BMP5: variants seen among roughly 807,000 people sequenced by gnomAD.
The protein encoded by BMP5 is bone morphogenetic protein 5.
A neutral mutation model predicts 46.6 loss-of-function variants in BMP5; 23 were observed. The observed-to-expected ratio is 0.49, with a 90% CI of 0.35 to 0.70. The LOEUF (loss-of-function observed/expected upper bound fraction) is 0.70. Among genes scored for constraint, BMP5 ranks in the 30% least tolerant of loss-of-function variants. The pLI is 0.00. For missense variants in BMP5, 545 were observed against 565.6 expected (o/e 0.96, Z 0.37); for synonymous variants, 204 against 191.9 (o/e 1.06, Z -0.52).
At chr6:55,859,538 C>T (rs918834488) in intron 1 of BMP5, among the ~76,000 whole-genome samples, 1 of 151,952 alleles carries the variant, frequency 6.6e-6, no homozygotes, top group South Asian at 2.1e-4. Flanking sequence ...ACTTAAAAAT[C>T]AAGAATTAAG....
intron 3 of BMP5, among the ~76,000 whole-genome samples, chr6:55,789,878 GA>G (rs999453270): frequency 1.3e-5 from 2 of 152,132 alleles, no homozygotes; most frequent in Admixed American, 6.5e-5. Flanking sequence ...TATTCAGCAT[GA>G]AAAAATAATA....
At chr6:55,839,746 T>C (rs1052551235) in intron 1 of BMP5, among the ~76,000 whole-genome samples, 16 of 152,218 alleles carry the variant, frequency 1.1e-4, no homozygotes, top group Admixed American at 1.0e-3. Context: ...ATTTTGCTAT[T>C]GTAGACAGTG....
intron 1 of BMP5, among the ~76,000 whole-genome samples, chr6:55,853,979 ATTGTT>A (rs1287068960): frequency 4.6e-5 from 7 of 152,182 alleles, no homozygotes; most frequent in African/African-American, 1.7e-4. Flanking sequence ...CAAATATAAT[ATTGTT>A]TTATTTTATT....
intron 1 of BMP5, among the ~76,000 whole-genome samples, chr6:55,860,992 C>T (rs1014048212): frequency 6.6e-6 from 1 of 152,172 alleles, no homozygotes; most frequent in Admixed American, 6.5e-5. Context: ...TGGAAAGAAA[C>T]TCACTTTACA....
rs761114982 is a variant in BMP5, at chr6:55,874,885, T to C, written c.-20A>G. The C allele has an allele frequency of 6.2e-7, 1 of 1,611,848 alleles. No homozygotes were observed. The highest frequency in any genetic ancestry group is 1.3e-5 in the African/African-American group (1 of 74,662). On this transcript the variant is annotated 5_prime_UTR_variant, in exon 1 of 7. Coordinates refer to ENST00000370830, the MANE Select transcript of BMP5 (RefSeq NM_021073.4). ...ATGCATTTTTGTCCAAAAGCAAAAG[T>C]TGATATTTTTAGTCCTTCTTGTCCT... is the stretch of plus-strand genomic sequence containing the variant.
intron 1 of BMP5, among the ~76,000 whole-genome samples, chr6:55,824,336 C>A (rs1333533475): frequency 6.6e-6 from 1 of 151,758 alleles, no homozygotes; most frequent in African/African-American, 2.4e-5. Flanking sequence ...ATGTATTTGG[C>A]CCTTTTAATT....
intron 1 of BMP5, among the ~76,000 whole-genome samples, chr6:55,828,537 CTAAGTA>C (rs1161563800): frequency 3.3e-5 from 5 of 151,646 alleles, no homozygotes; most frequent in African/African-American, 7.3e-5. Flanking sequence ...GCCACTCACC[CTAAGTA>C]TATCAATAGT....
intron 2 of BMP5, among the ~76,000 whole-genome samples, chr6:55,818,947 C>T (rs569210064): frequency 1.4e-5 from 2 of 146,774 alleles, no homozygotes; most frequent in African/African-American, 5.3e-5. Flanking sequence ...GATAGATAGA[C>T]AGACAGACAG....
chr6:55,864,666 T>C (rs1777599862), intron 1 of BMP5, among the ~76,000 whole-genome samples: 1 of 152,148 alleles, frequency 6.6e-6, no homozygotes, highest in African/African-American at 2.4e-5. Context: ...TCTTCCAGCA[T>C]TTTATCAAAT....
intron 6 of BMP5, 68 bp from the exon 7 acceptor site, chr6:55,755,750 GTA>G: frequency 6.9e-7 from 1 of 1,453,066 alleles, no homozygotes; most frequent in Non-Finnish European, 9.6e-7. Context: ...TTTTAAAATG[GTA>G]TGATTATTTT....
At chr6:55,858,648 G>A (rs1481709526) in intron 1 of BMP5, among the ~76,000 whole-genome samples, 3 of 152,150 alleles carry the variant, frequency 2.0e-5, no homozygotes, top group Non-Finnish European at 4.4e-5. Flanking sequence ...CAAATTTACT[G>A]AAAAGCAATT....
chr6:55,781,202 T>C (rs1775307864), intron 3 of BMP5, among the ~76,000 whole-genome samples: 1 of 152,270 alleles, frequency 6.6e-6, no homozygotes, highest in Middle Eastern at 3.4e-3. Flanking sequence ...CCCTCATTTA[T>C]TTTAAGAAAG....
chr6:55,810,577 A>G (rs189593588), intron 2 of BMP5, among the ~76,000 whole-genome samples: 23 of 152,334 alleles, frequency 1.5e-4, no homozygotes, highest in Admixed American at 1.2e-3. Context: ...ACCATTTTTC[A>G]TGCAGTGAAT....
intron 1 of BMP5, among the ~76,000 whole-genome samples, chr6:55,848,568 C>T (rs56191021): frequency 0.43 from 65,107 of 151,666 alleles, 15,080 homozygotes; most frequent in African/African-American, 0.59. Flanking sequence ...GTTGAAAACA[C>T]TGCCTAGCAA....
At chr6:55,804,555 G>T (rs554827822) in intron 2 of BMP5, among the ~76,000 whole-genome samples, 13 of 152,080 alleles carry the variant, frequency 8.5e-5, no homozygotes, top group Non-Finnish European at 1.6e-4. Context: ...CCCCTGATTA[G>T]GATATTTCAC....
intron 1 of BMP5, among the ~76,000 whole-genome samples, chr6:55,823,103 A>G (rs1227234199): frequency 6.6e-6 from 1 of 152,064 alleles, no homozygotes; most frequent in Admixed American, 6.6e-5. Context: ...TAAGAATAAG[A>G]AATTGGGTGA....
intron 2 of BMP5, among the ~76,000 whole-genome samples, chr6:55,803,775 C>T (rs1168590043): frequency 1.3e-5 from 2 of 152,172 alleles, no homozygotes; most frequent in African/African-American, 4.8e-5. Flanking sequence ...TACCAATCTC[C>T]CCTGCAGGCC....
chr6:55,842,444 C>T (rs1261085596), intron 1 of BMP5, among the ~76,000 whole-genome samples: 3 of 152,134 alleles, frequency 2.0e-5, no homozygotes, highest in Admixed American at 2.0e-4. Flanking sequence ...GAGTCTCAGC[C>T]TACACATACA....
intron 4 of BMP5, among the ~76,000 whole-genome samples, chr6:55,768,962 TA>T (rs1774982026): frequency 6.6e-6 from 1 of 151,930 alleles, no homozygotes; most frequent in African/African-American, 2.4e-5. Context: ...ATTATATCTT[TA>T]AAAATGTACA....
Sources: allele counts gnomAD v4.1 joint callset (sites outside exome capture counted in the v4.1 genomes callset), GRCh38; gene constraint gnomAD v4.1.1; transcripts MANE v1.5; gene names NCBI Gene and HGNC (gene_info 2026-07-23, HGNC 2026-07-21).